Variants in COL19A1 observed in about 807,000 individuals in gnomAD.
COL19A1 encodes collagen type XIX alpha 1 chain.
COL19A1 carries 159 observed loss-of-function variants against 190.2 expected under a neutral mutation model. That is an observed-to-expected ratio of 0.84 (90% CI 0.73 to 0.95). The LOEUF is 0.95. Among genes scored for constraint, COL19A1 ranks in the 40% least tolerant of loss-of-function variants. The pLI, the probability that COL19A1 is intolerant of heterozygous loss-of-function variation, is 0.00. For synonymous variants in COL19A1, 509 were observed against 458.9 expected, an observed-to-expected ratio of 1.11 and a Z score of -1.39; for missense variants, 1,418 against 1,431.9, an observed-to-expected ratio of 0.99 and a Z score of 0.16.
Position 69,966,160 on chromosome 6 carries a change from C to T in COL19A1, c.1026+3290C>T, listed in dbSNP as rs565937178. The stretch of plus-strand genomic sequence containing the variant: ...AAGCCGTCCGGGAGGTGGGGGGCAG[C>T]CCCCGCCCGGCCAGCTGCCCCGTGC... On this transcript the variant is annotated intron_variant, in intron 11 of 50. Coordinates refer to ENST00000620364, the MANE Select transcript of COL19A1 (RefSeq NM_001858.6). Among the ~76,000 whole-genome samples, 7 of 152,274 alleles carry T rather than the reference C, an allele frequency of 4.6e-5. No individual in the cohort carries two copies. In the South Asian group the frequency reaches 1.5e-3, roughly 32 times the overall value.
intron 3 of COL19A1, among the ~76,000 whole-genome samples, chr6:69,899,913 A>T (rs7751448): frequency 0.31 from 46,549 of 152,112 alleles, 8,676 homozygotes; most frequent in African/African-American, 0.52. Context: ...CTAATTTTCT[A>T]ACTTTAGACA....
rs548514929 is a variant in COL19A1, at chr6:70,155,825, T to A, written c.2080-302T>A. Among the ~76,000 whole-genome samples, 25 of 152,308 alleles carry A rather than the reference T, an allele frequency of 1.6e-4. No individual in the cohort carries two copies. In the South Asian group the frequency reaches 4.8e-3, roughly 29 times the overall value. On this transcript the variant is annotated intron_variant, in intron 31 of 50. Transcript: ENST00000620364. ...AACAATTGAGCCTCAGTTTTTGTTC[T>A]TGACTTATGTGTCTTTTCCTTATTT...
At chr6:69,985,366 C>T (rs1341457547) in intron 11 of COL19A1, among the ~76,000 whole-genome samples, 1 of 152,090 alleles carries the variant, frequency 6.6e-6, no homozygotes, top group Non-Finnish European at 1.5e-5. Context: ...AGAAGAGAAA[C>T]ACCCTTACTG....
Position 70,062,576 on chromosome 6 carries a change from C to T in COL19A1, c.1171-5847C>T, listed in dbSNP as rs555426163. Among the ~76,000 whole-genome samples, 629 of 152,138 alleles carry T rather than the reference C, an allele frequency of 4.1e-3. 11 individuals carry two copies. Among genetic ancestry groups the T allele is most frequent in the African/African-American group, 0.013 (537 of 41,506 alleles). On this transcript the variant is annotated intron_variant, in intron 14 of 50. Coordinates refer to ENST00000620364, the MANE Select transcript of COL19A1 (RefSeq NM_001858.6). ...TCTAGGAAGAAACTGCATCAACTAA[C>T]GAGCAAAATAACCAGCTAACATCAT... is the stretch of plus-strand genomic sequence containing the variant.
At chr6:69,966,168 C>T (rs971134771) in intron 11 of COL19A1, among the ~76,000 whole-genome samples, 2 of 152,106 alleles carry the variant, frequency 1.3e-5, no homozygotes, top group South Asian at 2.1e-4. Flanking sequence ...AGCCCCCGCC[C>T]GGCCAGCTGC....
intron 2 of COL19A1, among the ~76,000 whole-genome samples, chr6:69,886,627 T>G (rs113832988): frequency 2.0e-5 from 3 of 146,592 alleles, no homozygotes; most frequent in Admixed American, 2.0e-4. Flanking sequence ...GTTTTTTTTT[T>G]TTGTGTGGTG....
At chr6:70,194,205 T>C (rs1305399882) in intron 48 of COL19A1, among the ~76,000 whole-genome samples, 2 of 152,158 alleles carry the variant, frequency 1.3e-5, no homozygotes, top group Middle Eastern at 3.2e-3. Flanking sequence ...AAGATCCTGC[T>C]CTCCAACTTT....
intron 4 of COL19A1, among the ~76,000 whole-genome samples, chr6:69,921,641 CGT>C (rs1771950054): frequency 1.4e-5 from 2 of 141,886 alleles, no homozygotes; most frequent in East Asian, 4.0e-4. Context: ...CGTATATATT[CGT>C]ATATAGATTC....
chr6:70,107,607 C>A (rs1469992555), intron 16 of COL19A1, among the ~76,000 whole-genome samples: 2 of 152,276 alleles, frequency 1.3e-5, no homozygotes, highest in Non-Finnish European at 2.9e-5. Context: ...AGTAATTAAA[C>A]CAACACTTCT....
At chr6:70,038,596 C>A (rs1173464948) in intron 14 of COL19A1, among the ~76,000 whole-genome samples, 1 of 152,168 alleles carries the variant, frequency 6.6e-6, no homozygotes, top group African/African-American at 2.4e-5. Flanking sequence ...AGGAAGATAC[C>A]TTTAATTACA....
At chr6:70,199,207 A>G (rs1583152617) in intron 48 of COL19A1, among the ~76,000 whole-genome samples, 1 of 152,244 alleles carries the variant, frequency 6.6e-6, no homozygotes, top group Non-Finnish European at 1.5e-5. Flanking sequence ...ATTCATGAAT[A>G]TATTTTAAAT....
intron 9 of COL19A1, among the ~76,000 whole-genome samples, chr6:69,946,956 T>G (rs1425329286): frequency 6.6e-6 from 1 of 151,890 alleles, no homozygotes; most frequent in South Asian, 2.1e-4. Context: ...CCACACTCAT[T>G]TGTTTTTGTA....
chr6:70,187,084 T>C (rs577982210), intron 46 of COL19A1, among the ~76,000 whole-genome samples: 28 of 152,258 alleles, frequency 1.8e-4, no homozygotes, highest in African/African-American at 6.5e-4. Context: ...TTCTCCATGT[T>C]GGTCAGGCTG....
chr6:69,905,940 T>G (rs1166782360), intron 4 of COL19A1, among the ~76,000 whole-genome samples: 2 of 152,238 alleles, frequency 1.3e-5, no homozygotes, highest in African/African-American at 2.4e-5. Context: ...TTCTTATATC[T>G]CCAAGTATCC....
At chr6:70,186,889 T>G (rs570909392) in intron 46 of COL19A1, among the ~76,000 whole-genome samples, 1 of 152,226 alleles carries the variant, frequency 6.6e-6, no homozygotes, top group Admixed American at 6.5e-5. Flanking sequence ...TGTTTTGTTT[T>G]GTTTTGAGAC....
intron 9 of COL19A1, among the ~76,000 whole-genome samples, chr6:69,953,651 C>T (rs932901680): frequency 6.6e-6 from 1 of 152,066 alleles, no homozygotes. Context: ...CACTCACACC[C>T]CAAGTAGAGC....
intron 4 of COL19A1, among the ~76,000 whole-genome samples, chr6:69,907,664 C>T (rs1425116764): frequency 1.3e-5 from 2 of 152,074 alleles, no homozygotes; most frequent in Non-Finnish European, 2.9e-5. Context: ...TTTTATTTAA[C>T]TTAAAACTTG....
At position 70,156,309 on chromosome 6, in the gene COL19A1, C is replaced by T. The variant is rs200336386; in HGVS notation, c.2185-7C>T. ...CCTCTCAGTTCTGTTCTTCCTCTGT[C>T]TTCTAGGGTGATATAGGGCCACGGG... On this transcript the variant is annotated splice_polypyrimidine_tract_variant and splice_region_variant and intron_variant, in intron 32 of 50. Transcript: ENST00000620364. 19 of 1,613,280 alleles carry T rather than the reference C, an allele frequency of 1.2e-5. No individual in the cohort carries two copies. Among genetic ancestry groups the T allele is most frequent in the Non-Finnish European group, 8.5e-7 (1 of 1,179,536 alleles).
At chr6:70,139,557 C>T (rs190659210) in intron 19 of COL19A1, among the ~76,000 whole-genome samples, 77 of 152,128 alleles carry the variant, frequency 5.1e-4, no homozygotes, top group African/African-American at 1.7e-3. Flanking sequence ...TACATTATTA[C>T]GGAGAGCAGT....
Sources: allele counts gnomAD v4.1 joint callset (sites outside exome capture counted in the v4.1 genomes callset), GRCh38; gene constraint gnomAD v4.1.1; transcripts MANE v1.5; gene names NCBI Gene and HGNC (gene_info 2026-07-23, HGNC 2026-07-21).